Variants in PASK observed in about 807,000 individuals in gnomAD.
PASK encodes the protein PAS domain-containing serine/threonine-protein kinase.
Under a neutral mutation model 121.0 loss-of-function variants are expected in PASK, and 110 were observed. That is an observed-to-expected ratio of 0.91 (90% CI 0.78 to 1.06). PASK has a LOEUF of 1.06. Among genes scored for constraint, PASK ranks in the 50% least tolerant of loss-of-function variants. The pLI is 0.00. For missense variants in PASK, 1,643 were observed against 1,702.3 expected, an observed-to-expected ratio of 0.97 and a Z score of 0.61; for synonymous variants, 686 against 717.8, an observed-to-expected ratio of 0.96 and a Z score of 0.71.
chr2:241,136,719 C>A (rs2066451805), intron 7 of PASK, among the ~76,000 whole-genome samples: 1 of 152,244 alleles, frequency 6.6e-6, no homozygotes, highest in Non-Finnish European at 1.5e-5. Flanking sequence ...TGAACCCCCG[C>A]AGTTGTGTCG....
At chr2:241,111,361 G>A (rs1370050760) in intron 15 of PASK, among the ~76,000 whole-genome samples, 4 of 152,224 alleles carry the variant, frequency 2.6e-5, no homozygotes, top group Admixed American at 2.6e-4. Flanking sequence ...AAGCAGTGCT[G>A]TGATCATCCG....
Position 241,108,602 on chromosome 2 carries a change from T to C in PASK, c.3534-302A>G. 1 of 453,360 alleles carries C rather than the reference T, an allele frequency of 2.2e-6. No homozygotes were observed. The highest frequency in any genetic ancestry group is 4.1e-6 in the Non-Finnish European group (1 of 243,790). 28.1% of individuals were successfully genotyped at this position (453,360 alleles called of 1,614,324 possible). On this transcript the variant is annotated intron_variant, in intron 15 of 17. Coordinates refer to ENST00000234040, the MANE Select transcript of PASK (RefSeq NM_015148.4). The surrounding 1 kb of genome is among the most constrained non-coding windows in gnomAD (Gnocchi z 5.2). ...CCAGAGGGGGGAGCGGGGGGAGGGC[T>C]TCCTGGAGGAAGCAGAGTACACGTC...
upstream of PASK, chr2:241,149,726 CG>C: frequency 6.5e-7 from 1 of 1,548,356 alleles, no homozygotes; most frequent in African/African-American, 1.4e-5. Flanking sequence ...GCGCAGAGCT[CG>C]CCTCTTGGAG....
At position 241,126,735 on chromosome 2, in the gene PASK, T is replaced by A. The variant is rs988856277; in HGVS notation, c.2180A>T (p.Glu727Val). 34 of 1,614,000 alleles carry A rather than the reference T, an allele frequency of 2.1e-5. No homozygotes were observed. Among genetic ancestry groups the A allele is most frequent in the Middle Eastern group, 3.3e-4 (2 of 6,084 alleles). ...ALATDLPGGL[E>V]AVEAQEVDVN... ...ATCAACCTCCTGGGCCTCCACTGCT[T>A]CCAGGCCCCCAGGGAGGTCCGTGGC... Residue 727 changes from glutamate to valine, a missense_variant, in exon 10 of 18, where the codon GAA (glutamate) becomes GTA (valine). Physicochemically the swap from Glu to Val is moderately radical, Grantham distance 121. Transcript: ENST00000234040.
chr2:241,141,265 C>A (rs2066686398), intron 2 of PASK, among the ~76,000 whole-genome samples: 1 of 152,152 alleles, frequency 6.6e-6, no homozygotes, highest in Non-Finnish European at 1.5e-5. Flanking sequence ...CCAGCCTGAG[C>A]AACAGTCAGA....
At chr2:241,128,369 C>A (rs2065972572) in intron 9 of PASK, among the ~76,000 whole-genome samples, 1 of 152,202 alleles carries the variant, frequency 6.6e-6, no homozygotes, top group Non-Finnish European at 1.5e-5. Flanking sequence ...ACACAATGTC[C>A]TCCAGCATTC....
rs200170758 is a variant in PASK, at chr2:241,139,997, A to G, written c.488T>C (p.Ile163Thr). Residue 163 changes from isoleucine (I) to threonine (T), a missense_variant, in exon 4 of 18, where the codon ATT becomes ACT. By Grantham distance (89) the Ile-to-Thr change is moderately conservative. Around this residue, in one of 3 missense-constraint regions of PASK, gnomAD observed 1,176 missense variants for 1,162.2 expected, o/e 1.01. Transcript: ENST00000234040. ...AAAGAACTGCGTGAGCTTCTGGCCA[A>G]TCAGGTCCTGGCTGCTGTACCCCAG... ...GLLGYSSQDLIGQKLTQFFLR... is the reference protein window; with the variant it reads ...GLLGYSSQDLTGQKLTQFFLR... The G allele has an allele frequency of 8.1e-6, 13 of 1,613,942 alleles. No homozygotes were observed. The highest frequency in any genetic ancestry group is 1.0e-5 in the Non-Finnish European group (12 of 1,179,924).
intron 12 of PASK, among the ~76,000 whole-genome samples, chr2:241,115,825 C>T (rs1344843345): frequency 3.2e-5 from 4 of 123,098 alleles, no homozygotes; most frequent in African/African-American, 1.5e-4. Flanking sequence ...CCAGGGGCCA[C>T]CCAGTCCTCA....
chr2:241,122,995 C>A (rs2302051), intron 11 of PASK, 96 bp from the exon 12 acceptor site: 80,318 of 1,233,692 alleles, frequency 0.065, 3,170 homozygotes, highest in African/African-American at 0.14. Context: ...AGCAGCCGCC[C>A]GAGGCAGGTG....
chr2:241,123,804 G>C, intron 11 of PASK, 145 bp downstream of exon 11: 1 of 697,554 alleles, frequency 1.4e-6, no homozygotes, highest in Non-Finnish European at 2.4e-6. Context: ...GGGAACAAGA[G>C]CAAGACTCCG....
rs967289470 is a variant in PASK, at chr2:241,146,915, C to CA, written c.-43+2498dup. On this transcript the variant is annotated intron_variant, in intron 1 of 17. Coordinates refer to ENST00000234040, the MANE Select transcript of PASK (RefSeq NM_015148.4). The stretch of plus-strand genomic sequence containing the variant: ...TTTTGTATGAATAAACTGATACGGC[C>CA]AAAAAATTCAGAGACATTCACACAC... 1.8e-4 allele frequency among the ~76,000 whole-genome samples: 27 copies of CA among 152,106 alleles called. 1 individual carries two copies. Among genetic ancestry groups the CA allele is most frequent in the Admixed American group, 3.3e-4 (5 of 15,268 alleles).
Position 241,125,760 on chromosome 2 carries a change from A to G in PASK, c.2719+436T>C, listed in dbSNP as rs368148273. On this transcript the variant is annotated intron_variant, in intron 10 of 17. Transcript: ENST00000234040. ...GCCTAAACACCAAAAGCACGGAAGA[A>G]GAACACGTGAGCATCTCACCACGCT... Among the ~76,000 whole-genome samples the G allele has an allele frequency of 3.9e-5, 6 of 152,324 alleles. No individual in the cohort carries two copies. In the South Asian group the frequency reaches 6.2e-4, roughly 16 times the overall value.
rs758992212 is a variant in PASK at position 241,137,951 on chromosome 2, A to AC, written c.876+1dup. Reference sequence around the variant, plus strand: ...CACAGTGCGGGAGGTCAGGAGCCCTACCTTTGGGATGTGCTGGCCAGAAGG... The same window carrying AC: ...CACAGTGCGGGAGGTCAGGAGCCCTACCCTTTGGGATGTGCTGGCCAGAAGG... On this transcript the variant is annotated splice_donor_variant, in intron 6 of 17. Coordinates refer to ENST00000234040, the MANE Select transcript of PASK (RefSeq NM_015148.4). LOFTEE classifies it high-confidence loss of function. The AC allele has an allele frequency of 4.4e-5, 71 of 1,614,014 alleles. No individual in the cohort carries two copies. The Middle Eastern group carries it at 2.1e-3, about 49-fold the overall frequency.
chr2:241,135,264 A>C (rs984663285), intron 8 of PASK, among the ~76,000 whole-genome samples: 4 of 152,220 alleles, frequency 2.6e-5, no homozygotes, highest in African/African-American at 9.6e-5. Context: ...TAGAACATTC[A>C]ATTTAGGAAT....
chr2:241,115,287 C>A lies in PASK; in HGVS notation c.3198+1G>T. On this transcript the variant is annotated splice_donor_variant, in intron 13 of 17. Coordinates refer to ENST00000234040, the MANE Select transcript of PASK (RefSeq NM_015148.4). LOFTEE classifies it high-confidence loss of function. ...GGTATCTCTGAAGAGGAAACCATCA[C>A]CTTGATGATATTGGCGTGCTCCACC... 1 of 1,614,018 alleles carries A rather than the reference C, an allele frequency of 6.2e-7. No individual in the cohort carries two copies. The highest frequency in any genetic ancestry group is 8.5e-7 in the Non-Finnish European group (1 of 1,179,934).
intron 9 of PASK, among the ~76,000 whole-genome samples, chr2:241,129,879 G>T (rs1214750958): frequency 2.0e-5 from 3 of 152,150 alleles, no homozygotes; most frequent in Admixed American, 6.5e-5. Context: ...CCCCCGTGGA[G>T]ACCCGAGACC....
At chr2:241,111,984 G>A (rs939793961) in intron 15 of PASK, among the ~76,000 whole-genome samples, 1 of 151,874 alleles carries the variant, frequency 6.6e-6, no homozygotes, top group African/African-American at 2.4e-5. Context: ...TATTTTTCTT[G>A]GCTTTTTATT....
intron 1 of PASK, 85 bp from the exon 2 acceptor site, chr2:241,143,159 A>C: frequency 1.3e-6 from 1 of 767,762 alleles, no homozygotes; most frequent in Non-Finnish European, 2.2e-6. Flanking sequence ...TGCTGAGTTC[A>C]GCTCGGCCCC....
chr2:241,133,210 C>T (rs2125441323), intron 8 of PASK, 180 bp from the exon 9 acceptor site: 1 of 676,820 alleles, frequency 1.5e-6, no homozygotes, highest in Admixed American at 2.1e-5. Context: ...TGTCTCCCTG[C>T]TCCTTGGCCC....
Sources: allele counts gnomAD v4.1 joint callset (sites outside exome capture counted in the v4.1 genomes callset), GRCh38; gene constraint gnomAD v4.1.1; regional missense constraint gnomAD v4.1.1; non-coding constraint Gnocchi (gnomAD v3.1); transcripts MANE v1.5; gene names NCBI Gene and HGNC (gene_info 2026-07-23, HGNC 2026-07-21).